PSG6: variants seen among roughly 807,000 people sequenced by gnomAD.
PSG6 encodes pregnancy specific beta-1-glycoprotein 6.
A neutral mutation model predicts 43.3 loss-of-function variants in PSG6; 51 were observed. The observed-to-expected ratio is 1.18, with a 90% CI of 0.94 to 1.49. The LOEUF is 1.49. Among genes scored for constraint, PSG6 ranks in the 40% most tolerant of loss-of-function variants. The pLI, the probability that PSG6 is intolerant of heterozygous loss-of-function variation, is 0.00. For synonymous variants in PSG6, 292 were observed against 197.6 expected (o/e 1.48, Z -4.01); for missense variants, 770 against 522.2 (o/e 1.47, Z -4.62).
At chr19:42,905,889 G>T (rs1233201003) in intron 5 of PSG6, among the ~76,000 whole-genome samples, 1 of 151,558 alleles carries the variant, frequency 6.6e-6, no homozygotes, top group African/African-American at 2.4e-5. Flanking sequence ...GAGACAGAAA[G>T]TAGAATGGTG....
Position 42,902,411 on chromosome 19 carries a change from A to G in PSG6, c.*1T>C. On this transcript the variant is annotated 3_prime_UTR_variant, in exon 6 of 6. Transcript: ENST00000187910. Reference sequence around the variant, plus strand: ...TCTCAGTGTCTCTATTGTGGCAGCCATTAATGAGACTCTGTCTGGTTTCCA... The same window carrying G: ...TCTCAGTGTCTCTATTGTGGCAGCCGTTAATGAGACTCTGTCTGGTTTCCA... 1 of 1,611,114 alleles carries G rather than the reference A, an allele frequency of 6.2e-7. No individual in the cohort carries two copies. Among genetic ancestry groups the G allele is most frequent in the Non-Finnish European group, 8.5e-7 (1 of 1,178,286 alleles).
intron 4 of PSG6, 92 bp from the exon 5 acceptor site, chr19:42,907,268 A>T: frequency 1.3e-6 from 2 of 1,532,926 alleles, no homozygotes; most frequent in East Asian, 2.3e-5. Flanking sequence ...CCTCTGAACC[A>T]AGACACAACC....
rs527339790 is a variant in PSG6 at position 42,916,492 on chromosome 19, G to T, written c.65-5C>A. 2 of 1,607,506 alleles carry T rather than the reference G, an allele frequency of 1.2e-6. No individual in the cohort carries two copies. Among genetic ancestry groups the T allele is most frequent in the African/African-American group, 2.7e-5 (2 of 74,472 alleles). On this transcript the variant is annotated splice_polypyrimidine_tract_variant and splice_region_variant and intron_variant, in intron 1 of 5. Transcript: ENST00000187910. ...TCCAGAAGTTTAAAAGTGATGCTAG[G>T]AGGTAGAGACAGCATCAGTTAATAT...
At chr19:42,914,146 C>T (rs1972279041) in intron 2 of PSG6, among the ~76,000 whole-genome samples, 1 of 151,522 alleles carries the variant, frequency 6.6e-6, no homozygotes, top group African/African-American at 2.4e-5. Flanking sequence ...CACAGGTCAG[C>T]CTCACAAAGG....
intron 5 of PSG6, among the ~76,000 whole-genome samples, chr19:42,903,249 T>C (rs535689688): frequency 3.3e-5 from 5 of 151,620 alleles, no homozygotes; most frequent in Non-Finnish European, 5.9e-5. Flanking sequence ...ATGAAGAAAG[T>C]ACTCTTATTG....
At position 42,906,843 on chromosome 19, in the gene PSG6, A is replaced by T. The variant is rs1416649195; in HGVS notation, c.1240+79T>A. The T allele has an allele frequency of 5.0e-6, 8 of 1,609,140 alleles. No homozygotes were observed. The African/African-American group carries it at 5.4e-5, about 11-fold the overall frequency. On this transcript the variant is annotated intron_variant, in intron 5 of 5. Transcript: ENST00000187910. ...CATGGGACACAGTCTGGGAATACAA[A>T]TGTTTTCCTGACTCTTCTCTGAAAG...
rs148457672 is a variant in PSG6, at chr19:42,907,605, C to T, written c.956G>A (p.Arg319His). 76 of 1,611,888 alleles carry T rather than the reference C, an allele frequency of 4.7e-5. 4 individuals carry two copies. Among genetic ancestry groups the T allele is most frequent in the Non-Finnish European group, 5.3e-5 (63 of 1,179,124 alleles). The change falls in exon 4 of 6, where the codon CGC (arginine) becomes CAC (histidine). Residue 319 changes from arginine (R) to histidine (H), a missense_variant. Arg to His is a conservative substitution (Grantham distance 29). Transcript: ENST00000187910. ...GACATTCAGGGTGACTGGGTTACTG[C>T]GGATGCCACCATATCGGTCCCGTAT... is the stretch of plus-strand genomic sequence containing the variant. ...CEIRDRYGGI[R>H]SNPVTLNVLY...
rs1230213427 is a variant in PSG6 at position 42,916,535 on chromosome 19, G to T, written c.65-48C>A. 4.5e-6 allele frequency: 7 copies of T among 1,571,708 alleles called. No individual in the cohort carries two copies. In the Admixed American group the frequency reaches 5.4e-5, roughly 12 times the overall value. ...GTTAATATTTGGACCTATGTATTGG[G>T]GTGAAAAGATGGGGCCCTGTGTCCT... On this transcript the variant is annotated intron_variant, in intron 1 of 5. Coordinates refer to ENST00000187910, the MANE Select transcript of PSG6 (RefSeq NM_001031850.4).
intron 2 of PSG6, among the ~76,000 whole-genome samples, chr19:42,914,313 G>A (rs1446461641): frequency 1.3e-5 from 2 of 151,396 alleles, no homozygotes; most frequent in African/African-American, 4.9e-5. Context: ...AGCGGGAAGG[G>A]AACAGAACAG....
rs1384959281 is a variant in PSG6 at position 42,907,030 on chromosome 19, G to A, written c.1132C>T (p.Leu378Phe). Reference sequence around the variant, plus strand: ...TTTGTAGTAATTTGGGGGATAAAGAGCTTTTGTCCTGATAGCTGAAACTTC... The same window carrying A: ...TTTGTAGTAATTTGGGGGATAAAGAACTTTTGTCCTGATAGCTGAAACTTC... The part of the protein sequence containing the change: ...NGKFQLSGQK[L>F]FIPQITTNHS... The change falls in exon 5 of 6, where the codon CTC becomes TTC. Residue 378 changes from leucine (L) to phenylalanine (F), a missense_variant. Physicochemically the swap from Leu to Phe is conservative, Grantham distance 22 (BLOSUM62 0). Coordinates refer to ENST00000187910, the MANE Select transcript of PSG6 (RefSeq NM_001031850.4). 2 of 1,612,578 alleles carry A rather than the reference G, an allele frequency of 1.2e-6. No individual in the cohort carries two copies. Among genetic ancestry groups the A allele is most frequent in the Non-Finnish European group, 1.7e-6 (2 of 1,179,196 alleles).
In PSG6 at chr19:42,908,577, C is replaced by T. The variant is rs998065483; in HGVS notation, c.707-723G>A. On this transcript the variant is annotated intron_variant, in intron 3 of 5. Coordinates refer to ENST00000187910, the MANE Select transcript of PSG6 (RefSeq NM_001031850.4). Reference sequence around the variant, plus strand: ...GGTGGCTTTGGAGCAGAAGCATGTTCCCTGTCCTGGGTTCTTTAAGTTTCC... The same window carrying T: ...GGTGGCTTTGGAGCAGAAGCATGTTTCCTGTCCTGGGTTCTTTAAGTTTCC... Among the ~76,000 whole-genome samples, 13 of 151,648 alleles carry T rather than the reference C, an allele frequency of 8.6e-5. 2 individuals are homozygous for T. The highest frequency in any genetic ancestry group is 1.8e-4 in the Non-Finnish European group (12 of 67,922).
chr19:42,912,192 C>G (rs1045690515), intron 2 of PSG6, among the ~76,000 whole-genome samples: 2 of 151,518 alleles, frequency 1.3e-5, no homozygotes, highest in African/African-American at 4.9e-5. Flanking sequence ...GAGTTTTGAG[C>G]ATTTCAGATT....
At chr19:42,911,803 TTCTACTC>T (rs1972231656) in intron 2 of PSG6, among the ~76,000 whole-genome samples, 1 of 151,702 alleles carries the variant, frequency 6.6e-6, no homozygotes, top group Non-Finnish European at 1.5e-5. Flanking sequence ...TTATTAGACA[TTCTACTC>T]TCTGATTCTG....
Position 42,907,622 on chromosome 19 carries a change from G to T in PSG6, c.939C>A (p.Asp313Glu), listed in dbSNP as rs1441641205. 5 of 1,611,908 alleles carry T rather than the reference G, an allele frequency of 3.1e-6. No individual in the cohort carries two copies. The South Asian group carries it at 5.5e-5, about 18-fold the overall frequency. The change falls in exon 4 of 6, where the codon GAC becomes GAA. Residue 313 changes from aspartate (D) to glutamate (E), a missense_variant. Transcript: ENST00000187910. ...ETGPYQCEIR[D>E]RYGGIRSNPV... ...GGTTACTGCGGATGCCACCATATCG[G>T]TCCCGTATTTCACATTGATAGGGTC...
intron 3 of PSG6, 138 bp from the exon 4 acceptor site, chr19:42,907,992 C>G (rs1972151749): frequency 7.5e-7 from 1 of 1,328,750 alleles, no homozygotes; most frequent in Non-Finnish European, 1.0e-6. Flanking sequence ...TGTCACAAGA[C>G]AGATGTATGA....
At chr19:42,904,642 G>A in intron 5 of PSG6, among the ~76,000 whole-genome samples, 1 of 151,768 alleles carries the variant, frequency 6.6e-6, no homozygotes, top group Middle Eastern at 3.4e-3. Context: ...AATGAAAGAT[G>A]ACATCAATAA....
intron 4 of PSG6, 104 bp from the exon 5 acceptor site, chr19:42,907,280 C>G (rs1203684624): frequency 6.6e-7 from 1 of 1,512,426 alleles, no homozygotes; most frequent in Non-Finnish European, 8.9e-7. Flanking sequence ...GACACAACCT[C>G]AAGTGACAGC....
intron 2 of PSG6, among the ~76,000 whole-genome samples, chr19:42,914,714 T>C (rs901424835): frequency 1.3e-5 from 2 of 151,350 alleles, no homozygotes; most frequent in African/African-American, 2.4e-5. Flanking sequence ...TCTAAAGAGG[T>C]TTTGGATCAT....
chr19:42,909,008 CT>C (rs1248169543), intron 3 of PSG6, among the ~76,000 whole-genome samples: 1 of 151,544 alleles, frequency 6.6e-6, no homozygotes, highest in Non-Finnish European at 1.5e-5. Flanking sequence ...CACAGATTAT[CT>C]CTTATGCATA....
Sources: allele counts gnomAD v4.1 joint callset (sites outside exome capture counted in the v4.1 genomes callset), GRCh38; gene constraint gnomAD v4.1.1; transcripts MANE v1.5; gene names NCBI Gene and HGNC (gene_info 2026-07-23, HGNC 2026-07-21).